The following ATP8B1 variants were observed in gnomAD, a reference collection of about 807,000 sequenced individuals.
The protein encoded by ATP8B1 is ATPase phospholipid transporting 8B1.
A neutral mutation model predicts 149.9 loss-of-function variants in ATP8B1; 80 were observed. That is an observed-to-expected ratio of 0.53 (90% CI 0.45 to 0.64). The LOEUF is 0.64. Ranked by LOEUF, ATP8B1 falls within the 30% of genes least tolerant of loss-of-function variation. The pLI, the probability that ATP8B1 is intolerant of heterozygous loss-of-function variation, is 0.00. For synonymous variants in ATP8B1, 536 were observed against 562.8 expected, an observed-to-expected ratio of 0.95 and a Z score of 0.67; for missense variants, 1,247 against 1,552.6, an observed-to-expected ratio of 0.80 and a Z score of 3.31.
At chr18:57,739,955 G>A (rs944645614) in intron 1 of ATP8B1, among the ~76,000 whole-genome samples, 5 of 152,212 alleles carry the variant, frequency 3.3e-5, no homozygotes, top group South Asian at 2.1e-4. Context: ...GAGGCTTATA[G>A]TCTAGACAAG....
rs1910527063 is a variant in ATP8B1 at position 57,662,500 on chromosome 18, T to G, written c.2401A>C (p.Ile801Leu). ...FPPGGNRALIITGSWLNEILL... is the reference protein window; with the variant it reads ...FPPGGNRALILTGSWLNEILL... ...ATACGTACCAACCAAGAACCAGTGA[T>G]GATTAAGGCACGGTTTCCACCGGGT... Residue 801 changes from isoleucine to leucine, a missense_variant, in exon 21 of 28, where the codon ATC becomes CTC. This residue lies in a region of ATP8B1 where 853 missense variants were observed against 1,035.7 expected (regional missense o/e 0.82). Coordinates refer to ENST00000648908, the MANE Select transcript of ATP8B1 (RefSeq NM_001374385.1). The G allele has an allele frequency of 6.2e-7, 1 of 1,614,004 alleles. No individual in the cohort carries two copies. Among genetic ancestry groups the G allele is most frequent in the African/African-American group, 1.3e-5 (1 of 74,922 alleles).
At position 57,794,792 on chromosome 18, in the gene ATP8B1, A is replaced by AAAAGAAAGAAAGAAAGAAAGAAAGAAAG. The variant is rs113119274; in HGVS notation, c.-26+8178_-26+8205dup. Among the ~76,000 whole-genome samples the AAAAGAAAGAAAGAAAGAAAGAAAGAAAG allele has an allele frequency of 1.9e-3, 282 of 148,038 alleles. 4 individuals carry two copies. The highest frequency in any genetic ancestry group is 6.7e-3 in the African/African-American group (264 of 39,652). On this transcript the variant is annotated intron_variant, in intron 1 of 27. Transcript: ENST00000648908. ...GGCGACAGAGCGAAACTCCGCCTCA[A>AAAAGAAAGAAAGAAAGAAAGAAAGAAAG]AAAGAAAGAAAGAAAGAAAGAAAGA... is the stretch of plus-strand genomic sequence containing the variant.
intron 1 of ATP8B1, among the ~76,000 whole-genome samples, chr18:57,761,762 G>A (rs1197123840): frequency 6.6e-6 from 1 of 150,748 alleles, no homozygotes; most frequent in African/African-American, 2.4e-5. Flanking sequence ...AGACCTTTCT[G>A]GCCAACATGG....
chr18:57,801,371 A>C (rs2080571966), intron 1 of ATP8B1, among the ~76,000 whole-genome samples: 1 of 152,224 alleles, frequency 6.6e-6, no homozygotes, highest in Non-Finnish European at 1.5e-5. Context: ...AATTCAGAGG[A>C]GTTAACTGCA....
chr18:57,700,190 T>C (rs1913050010), intron 6 of ATP8B1, among the ~76,000 whole-genome samples: 1 of 152,242 alleles, frequency 6.6e-6, no homozygotes, highest in Non-Finnish European at 1.5e-5. Context: ...ATTTCAGAAA[T>C]ACTGAAATGT....
At position 57,648,429 on chromosome 18, in the gene ATP8B1, A is replaced by G; in HGVS notation, c.*59T>C. The G allele has an allele frequency of 4.5e-6, 7 of 1,557,196 alleles. No homozygotes were observed. Among genetic ancestry groups the G allele is most frequent in the Non-Finnish European group, 6.2e-6 (7 of 1,131,638 alleles). On this transcript the variant is annotated 3_prime_UTR_variant, in exon 28 of 28. Transcript: ENST00000648908. ...TCACACACACACACAAAGTCCTGAG[A>G]GTCTTTCATAAAAAAATAGACGTGC...
intron 3 of ATP8B1, among the ~76,000 whole-genome samples, chr18:57,706,261 G>A (rs1568204482): frequency 6.6e-6 from 1 of 152,084 alleles, no homozygotes; most frequent in Non-Finnish European, 1.5e-5. Flanking sequence ...ATTTAAAAAA[G>A]AGAGAGAAAA....
chr18:57,684,276 A>G, intron 14 of ATP8B1, 84 bp from the exon 15 acceptor site: 1 of 1,441,826 alleles, frequency 6.9e-7, no homozygotes, highest in South Asian at 1.2e-5. Context: ...TTCAAAGGCA[A>G]GGTTTCAATT....
At chr18:57,756,262 T>C (rs1424586700) in intron 1 of ATP8B1, among the ~76,000 whole-genome samples, 2 of 125,226 alleles carry the variant, frequency 1.6e-5, no homozygotes, top group Admixed American at 1.6e-4. Flanking sequence ...CATATATATA[T>C]ATGAAATATT....
intron 2 of ATP8B1, among the ~76,000 whole-genome samples, chr18:57,729,326 G>A (rs1445024603): frequency 6.6e-6 from 1 of 152,116 alleles, no homozygotes; most frequent in Non-Finnish European, 1.5e-5. Context: ...TCTACATTTG[G>A]TAGAGATTCC....
Position 57,654,164 on chromosome 18 carries a change from A to G in ATP8B1, c.2932-89T>C, listed in dbSNP as rs1014925939. On this transcript the variant is annotated intron_variant, in intron 23 of 27. Coordinates refer to ENST00000648908, the MANE Select transcript of ATP8B1 (RefSeq NM_001374385.1). ...TACTCATCTGCTTCCTTTATTTAACATTTTGTTTGTTTGTTTGTTTTAATA... is the reference window on the plus strand; with the variant it reads ...TACTCATCTGCTTCCTTTATTTAACGTTTTGTTTGTTTGTTTGTTTTAATA... 3.3e-6 allele frequency: 4 copies of G among 1,199,296 alleles called. No individual in the cohort carries two copies. The African/African-American group carries it at 6.0e-5, about 18-fold the overall frequency. The allele number at this position is 1,199,296 out of a possible 1,614,324, so 74.3% of individuals were successfully genotyped here. A position where few individuals can be genotyped will look rare whatever the true frequency, so the allele number is the denominator to read the frequency against.
intron 1 of ATP8B1, among the ~76,000 whole-genome samples, chr18:57,757,958 T>C (rs2080101137): frequency 6.6e-6 from 1 of 152,122 alleles, no homozygotes; most frequent in African/African-American, 2.4e-5. Context: ...TTCATGTTGC[T>C]CTCAGTTTTA....
At chr18:57,781,671 T>G (rs1388084860) in intron 1 of ATP8B1, among the ~76,000 whole-genome samples, 1 of 152,346 alleles carries the variant, frequency 6.6e-6, no homozygotes, top group East Asian at 1.9e-4. Flanking sequence ...CACAGACTGT[T>G]ACAGTTCAAT....
At position 57,706,496 on chromosome 18, in the gene ATP8B1, T is replaced by C. The variant is rs1033023198; in HGVS notation, c.273A>G (p.Lys91=). ...NTKFLCIKES[K]YANNAIKTYK... is the part of the protein sequence containing the mutation. ...CAGAAAGTTAACAACTCACCGCATA[T>C]TTACTCTCCTTAATACACAAGAATT... The change falls in exon 3 of 28, where the codon AAA becomes AAG. Residue 91 remains lysine, a synonymous_variant. Coordinates refer to ENST00000648908, the MANE Select transcript of ATP8B1 (RefSeq NM_001374385.1). The C allele has an allele frequency of 1.9e-5, 31 of 1,612,866 alleles. No homozygotes were observed. Among genetic ancestry groups the C allele is most frequent in the Non-Finnish European group, 2.5e-5 (30 of 1,179,032 alleles).
intron 1 of ATP8B1, among the ~76,000 whole-genome samples, chr18:57,775,323 G>C (rs371718148): frequency 2.1e-4 from 32 of 150,722 alleles, no homozygotes; most frequent in African/African-American, 7.1e-4. Flanking sequence ...CTCAAAAAAA[G>C]AAAAGAGAAA....
At chr18:57,700,991 A>G (rs772481435) in intron 6 of ATP8B1, 48 bp downstream of exon 6, 2 of 1,508,426 alleles carry the variant, frequency 1.3e-6, no homozygotes, top group Non-Finnish European at 1.8e-6. Flanking sequence ...TTCTAGGCAG[A>G]GTTATGCATT....
chr18:57,689,407 C>T (rs1912417824), intron 12 of ATP8B1, among the ~76,000 whole-genome samples: 1 of 152,178 alleles, frequency 6.6e-6, no homozygotes, highest in Non-Finnish European at 1.5e-5. Context: ...ATAAAAGGAT[C>T]ATCTGAATTT....
At position 57,668,545 on chromosome 18, in the gene ATP8B1, A is replaced by C. The variant is rs771689436; in HGVS notation, c.2098-5T>G. ...AATAGCTGTAGCTCCCAGGAGCTAG[A>C]ATGTATATTAAAAAAAAAAAAAAAA... is the stretch of plus-strand genomic sequence containing the variant. On this transcript the variant is annotated splice_region_variant and splice_polypyrimidine_tract_variant and intron_variant, in intron 18 of 27. Coordinates refer to ENST00000648908, the MANE Select transcript of ATP8B1 (RefSeq NM_001374385.1). The C allele has an allele frequency of 4.7e-5, 39 of 836,942 alleles. No homozygotes were observed. In the South Asian group the frequency reaches 5.9e-4, roughly 13 times the overall value. 51.8% of individuals were successfully genotyped at this position (836,942 alleles called of 1,614,324 possible). A position where few individuals can be genotyped will look rare whatever the true frequency, so the allele number is the denominator to read the frequency against.
chr18:57,785,652 C>T (rs529385323), intron 1 of ATP8B1, among the ~76,000 whole-genome samples: 5 of 152,128 alleles, frequency 3.3e-5, no homozygotes, highest in South Asian at 4.2e-4. Context: ...ATTACAGGCG[C>T]GTGCCACCAT....
Sources: gnomAD v4.1 joint callset for allele counts (sites outside exome capture counted in the v4.1 genomes callset) on GRCh38, gnomAD v4.1.1 for gene constraint, gnomAD v4.1.1 regional missense constraint, MANE v1.5 for transcripts, NCBI Gene and HGNC (gene_info 2026-07-23, HGNC 2026-07-21) for gene names.